ABL2: variants seen among roughly 807,000 people sequenced by gnomAD.
ABL2 encodes ABL proto-oncogene 2, non-receptor tyrosine kinase.
Under a neutral mutation model 107.7 loss-of-function variants are expected in ABL2, and 49 were observed. That is an observed-to-expected ratio of 0.45 (90% CI 0.36 to 0.58). The LOEUF (loss-of-function observed/expected upper bound fraction) is 0.58, where lower values mean the gene tolerates loss of function less well. Ranked by LOEUF, ABL2 falls within the 20% of genes least tolerant of loss-of-function variation. The pLI, the probability that ABL2 is intolerant of heterozygous loss-of-function variation, is 0.00. For missense variants in ABL2, 1,245 were observed against 1,457.0 expected, an observed-to-expected ratio of 0.85 and a Z score of 2.37; for synonymous variants, 549 against 548.6, an observed-to-expected ratio of 1.00 and a Z score of -0.01.
At chr1:179,141,397 C>T (rs1657579504) in intron 1 of ABL2, among the ~76,000 whole-genome samples, 1 of 151,968 alleles carries the variant, frequency 6.6e-6, no homozygotes. Flanking sequence ...ACTCTGAACC[C>T]AAAAGAGGAC....
At chr1:179,219,539 A>C (rs1184364693) in intron 1 of ABL2, among the ~76,000 whole-genome samples, 1 of 152,242 alleles carries the variant, frequency 6.6e-6, no homozygotes, top group Non-Finnish European at 1.5e-5. Context: ...TGCATTGGCC[A>C]GTGTTTCTGG....
At chr1:179,147,198 A>T (rs1199898693) in intron 1 of ABL2, among the ~76,000 whole-genome samples, 1 of 143,100 alleles carries the variant, frequency 7.0e-6, no homozygotes, top group South Asian at 2.1e-4. Context: ...AAAAAAAAAA[A>T]AAAAAAAAAA....
chr1:179,160,331 TA>T (rs1328295990), intron 1 of ABL2, among the ~76,000 whole-genome samples: 2 of 143,818 alleles, frequency 1.4e-5, no homozygotes, highest in African/African-American at 4.9e-5. Flanking sequence ...CTGGGCAACA[TA>T]GTGAGACCCC....
chr1:179,165,514 A>G (rs1659327031), intron 1 of ABL2, among the ~76,000 whole-genome samples: 1 of 152,108 alleles, frequency 6.6e-6, no homozygotes, highest in Non-Finnish European at 1.5e-5. Flanking sequence ...ATGTGCTAAG[A>G]ATATTAAAGT....
Position 179,108,303 on chromosome 1 carries a change from T to G in ABL2, c.2964A>C (p.Pro988=), listed in dbSNP as rs766019200. The change falls in exon 12 of 12, where the codon CCA becomes CCC. Residue 988 remains proline, a synonymous_variant. Coordinates refer to ENST00000502732, the MANE Select transcript of ABL2 (RefSeq NM_007314.4). ...VKPKCAPPPP[P]VMRLLQHPSI... is the part of the protein sequence containing the mutation. ...ACGGATGCTGCAGTAGTCTCATCACTGGTGGTGGGGGTGGGGCACACTTTG... is the reference window on the plus strand; with the variant it reads ...ACGGATGCTGCAGTAGTCTCATCACGGGTGGTGGGGGTGGGGCACACTTTG... The G allele has an allele frequency of 3.1e-5, 50 of 1,613,590 alleles. No individual in the cohort carries two copies. Among genetic ancestry groups the G allele is most frequent in the Non-Finnish European group, 4.2e-5 (49 of 1,179,918 alleles).
rs1043138483 is a variant in ABL2 at position 179,199,621 on chromosome 1, T to G, written c.157+29620A>C. ...CTAATTTAATTCTCAAACCACCCTA[T>G]GCAGCAGGCATTATCCTCATTTTAT... On this transcript the variant is annotated intron_variant, in intron 1 of 11. Transcript: ENST00000502732. Among the ~76,000 whole-genome samples, 3 of 152,158 alleles carry G rather than the reference T, an allele frequency of 2.0e-5. No homozygotes were observed. In the South Asian group the frequency reaches 6.2e-4, roughly 32 times the overall value.
chr1:179,136,098 CCCCCGTCCGGCCAGCCA>C (rs1325508181), intron 1 of ABL2, among the ~76,000 whole-genome samples: 4 of 150,870 alleles, frequency 2.7e-5, no homozygotes, highest in African/African-American at 7.3e-5. Flanking sequence ...GGGGGTCAGC[CCCCCGTCCGGCCAGCCA>C]CCCCGTCCGG....
intron 3 of ABL2, among the ~76,000 whole-genome samples, chr1:179,128,626 T>A (rs1021168524): frequency 5.3e-5 from 8 of 152,180 alleles, no homozygotes; most frequent in African/African-American, 1.4e-4. Context: ...TGGAAACTGA[T>A]AGGGGGATGA....
rs16853718 is a variant in ABL2 at position 179,202,797 on chromosome 1, A to C, written c.157+26444T>G. Among the ~76,000 whole-genome samples, 1,253 of 152,362 alleles carry C rather than the reference A, an allele frequency of 8.2e-3. 14 individuals are homozygous for C. The highest frequency in any genetic ancestry group is 0.029 in the African/African-American group (1,198 of 41,584). ...GAAACAAATAACAATAAAAATTGTA[A>C]GACAAAAGTACTGGATGTTAAATAG... On this transcript the variant is annotated intron_variant, in intron 1 of 11. Transcript: ENST00000502732.
In ABL2 at chr1:179,107,138, G is replaced by C. The variant is rs1313763681; in HGVS notation, c.*580C>G. On this transcript the variant is annotated 3_prime_UTR_variant, in exon 12 of 12. Coordinates refer to ENST00000502732, the MANE Select transcript of ABL2 (RefSeq NM_007314.4). ...GCGGAAAATAGGACAGAGGCATTCA[G>C]ATAGGGCCATATTTCCCAGTTTTAT... 6 of 232,074 alleles carry C rather than the reference G, an allele frequency of 2.6e-5. No homozygotes were observed. The highest frequency in any genetic ancestry group is 1.3e-4 in the African/African-American group (6 of 45,374). The allele number at this position is 232,074 out of a possible 1,614,324, so 14.4% of individuals were successfully genotyped here.
chr1:179,118,881 T>C (rs1654910852), intron 6 of ABL2, 117 bp from the exon 7 acceptor site: 2 of 1,081,596 alleles, frequency 1.8e-6, no homozygotes, highest in African/African-American at 3.2e-5. Flanking sequence ...ATCTTTTCCC[T>C]TCTTACCACC....
chr1:179,173,016 ACT>A (rs1041571462), intron 1 of ABL2, among the ~76,000 whole-genome samples: 1 of 152,022 alleles, frequency 6.6e-6, no homozygotes, highest in Admixed American at 6.6e-5. Flanking sequence ...ATGTCAAAAC[ACT>A]GTCTTTACTA....
chr1:179,124,319 A>C (rs547778538), intron 4 of ABL2, among the ~76,000 whole-genome samples: 6 of 152,280 alleles, frequency 3.9e-5, no homozygotes, highest in African/African-American at 1.4e-4. Flanking sequence ...TAATTTTTAC[A>C]AAGTAAACTC....
At chr1:179,151,252 C>T (rs1658345905) in intron 1 of ABL2, among the ~76,000 whole-genome samples, 1 of 152,162 alleles carries the variant, frequency 6.6e-6, no homozygotes, top group African/African-American at 2.4e-5. Context: ...ATCAAGATGG[C>T]GTTTTAATCA....
At chr1:179,205,624 G>T (rs768819753) in intron 1 of ABL2, among the ~76,000 whole-genome samples, 1 of 152,140 alleles carries the variant, frequency 6.6e-6, no homozygotes, top group Non-Finnish European at 1.5e-5. Context: ...CCTTTGGGGG[G>T]TCTGAGGGGG....
chr1:179,143,094 T>C lies in ABL2; in HGVS notation c.158-9720A>G, dbSNP rs774479588. 4 of 1,596,116 alleles carry C rather than the reference T, an allele frequency of 2.5e-6. No individual in the cohort carries two copies. The Admixed American group carries it at 5.2e-5, about 21-fold the overall frequency. On this transcript the variant is annotated intron_variant, in intron 1 of 11. Coordinates refer to ENST00000502732, the MANE Select transcript of ABL2 (RefSeq NM_007314.4). The stretch of plus-strand genomic sequence containing the variant: ...TAAACTGTTCTGTGTAAAGAGGAAG[T>C]CTTAGAATTCCATTCTCTGACAAGC...
At chr1:179,155,302 G>A (rs188318423) in intron 1 of ABL2, among the ~76,000 whole-genome samples, 10 of 152,308 alleles carry the variant, frequency 6.6e-5, no homozygotes, top group Admixed American at 3.3e-4. Context: ...TAATCGGAAC[G>A]ATATGCATGT....
At chr1:179,151,242 A>T (rs943721113) in intron 1 of ABL2, among the ~76,000 whole-genome samples, 1 of 152,214 alleles carries the variant, frequency 6.6e-6, no homozygotes, top group African/African-American at 2.4e-5. Flanking sequence ...TTCACAAAAA[A>T]TCAAGATGGC....
At chr1:179,180,525 C>T (rs1442604269) in intron 1 of ABL2, among the ~76,000 whole-genome samples, 1 of 152,112 alleles carries the variant, frequency 6.6e-6, no homozygotes, top group African/African-American at 2.4e-5. Flanking sequence ...TATCATCAGA[C>T]TTCACTAGTG....
Sources: allele counts gnomAD v4.1 joint callset (sites outside exome capture counted in the v4.1 genomes callset), GRCh38; gene constraint gnomAD v4.1.1; transcripts MANE v1.5; gene names NCBI Gene and HGNC (gene_info 2026-07-23, HGNC 2026-07-21).